Variants in RAPGEF6 observed in about 807,000 individuals in gnomAD.
RAPGEF6 encodes Rap guanine nucleotide exchange factor 6.
Under a neutral mutation model 171.4 loss-of-function variants are expected in RAPGEF6, and 56 were observed. That is an observed-to-expected ratio of 0.33 (90% CI 0.26 to 0.41). The LOEUF (loss-of-function observed/expected upper bound fraction) is 0.41, where lower values mean the gene tolerates loss of function less well. RAPGEF6 is among the 10% of genes least tolerant of loss of function. The pLI, the probability that RAPGEF6 is intolerant of heterozygous loss-of-function variation, is 1.00. For missense variants in RAPGEF6, 1,674 were observed against 1,921.4 expected (o/e 0.87, Z 2.41); for synonymous variants, 692 against 650.1 (o/e 1.06, Z -0.98).
At chr5:131,522,900 A>G (rs536322666) in intron 6 of RAPGEF6, among the ~76,000 whole-genome samples, 3 of 152,316 alleles carry the variant, frequency 2.0e-5, no homozygotes, top group South Asian at 4.1e-4. Flanking sequence ...TAATTTTAGA[A>G]TGACCTCAAT....
At position 131,500,061 on chromosome 5, in the gene RAPGEF6, G is replaced by A. The variant is rs183257029; in HGVS notation, c.1255-1454C>T. 3.3e-5 allele frequency among the ~76,000 whole-genome samples: 5 copies of A among 152,184 alleles called. No homozygotes were observed. In the East Asian group the frequency reaches 9.7e-4, roughly 29 times the overall value. On this transcript the variant is annotated intron_variant, in intron 11 of 27. Coordinates refer to ENST00000509018, the MANE Select transcript of RAPGEF6 (RefSeq NM_016340.6). ...TTACAGGCATGCACCACTATGCCCA[G>A]CTAATTTTTGTATTTTTAGTAGAGA...
intron 6 of RAPGEF6, among the ~76,000 whole-genome samples, chr5:131,544,598 G>A (rs1760383964): frequency 1.3e-5 from 2 of 152,160 alleles, no homozygotes; most frequent in African/African-American, 4.8e-5. Context: ...TTAGGGTGAT[G>A]GAAGTAATCA....
intron 21 of RAPGEF6, 97 bp downstream of exon 21, chr5:131,452,957 C>A (rs1236246095): frequency 4.2e-6 from 6 of 1,442,264 alleles, no homozygotes; most frequent in African/African-American, 1.4e-5. Context: ...GTACAGCACA[C>A]ATGGTAGAAT....
Position 131,517,218 on chromosome 5 carries a change from G to A in RAPGEF6, c.627+4172C>T, listed in dbSNP as rs149017830. 1.5e-4 allele frequency among the ~76,000 whole-genome samples: 23 copies of A among 152,006 alleles called. No homozygotes were observed. The East Asian group carries it at 3.7e-3, about 24-fold the overall frequency. On this transcript the variant is annotated intron_variant, in intron 7 of 27. Transcript: ENST00000509018. ...TCGAACCCCAAACACTCAGCACCAC[G>A]CAATATACTATGTAAGAAATCTGCA...
intron 27 of RAPGEF6, 132 bp from the exon 28 acceptor site, chr5:131,427,423 A>G: frequency 1.4e-6 from 1 of 697,314 alleles, no homozygotes; most frequent in South Asian, 1.9e-5. Flanking sequence ...CCCAGATTTT[A>G]TTATAATAAT....
intron 6 of RAPGEF6, among the ~76,000 whole-genome samples, chr5:131,525,674 C>T (rs941811190): frequency 6.6e-6 from 1 of 151,100 alleles, no homozygotes; most frequent in Non-Finnish European, 1.5e-5. Flanking sequence ...AAAAAAAAAA[C>T]CTCATCTGGG....
intron 1 of RAPGEF6, among the ~76,000 whole-genome samples, chr5:131,615,875 C>T (rs7708095): frequency 1.1e-4 from 17 of 151,414 alleles, no homozygotes; most frequent in African/African-American, 2.2e-4. Context: ...TACTCCAGCC[C>T]GGGCAACAGA....
intron 17 of RAPGEF6, among the ~76,000 whole-genome samples, chr5:131,465,709 G>A (rs1266563749): frequency 1.3e-5 from 2 of 152,034 alleles, no homozygotes; most frequent in Non-Finnish European, 2.9e-5. Context: ...CTTGAGCCTG[G>A]GAGGTTGAAG....
At chr5:131,508,803 C>A (rs775620931) in intron 8 of RAPGEF6, among the ~76,000 whole-genome samples, 1 of 152,034 alleles carries the variant, frequency 6.6e-6, no homozygotes, top group Non-Finnish European at 1.5e-5. Context: ...TTAAGAATAA[C>A]TATAAGGTGC....
At position 131,431,492 on chromosome 5, in the gene RAPGEF6, T is replaced by TA. The variant is rs1385114685; in HGVS notation, c.3975-144dup. 3 of 856,058 alleles carry TA rather than the reference T, an allele frequency of 3.5e-6. No individual in the cohort carries two copies. In the African/African-American group the frequency reaches 5.1e-5, roughly 15 times the overall value. The allele number at this position is 856,058 out of a possible 1,614,324, so 53.0% of individuals were successfully genotyped here. ...AATAACATCGTGAGGAAAACAATAT[T>TA]ATCATCATTCATCACTATATTCCTT... On this transcript the variant is annotated intron_variant, in intron 25 of 27. Coordinates refer to ENST00000509018, the MANE Select transcript of RAPGEF6 (RefSeq NM_016340.6).
chr5:131,580,075 G>A (rs185536325), intron 4 of RAPGEF6, among the ~76,000 whole-genome samples: 45 of 152,340 alleles, frequency 3.0e-4, no homozygotes, highest in Admixed American at 9.1e-4. Flanking sequence ...ACCAGGCGCC[G>A]CAGAGCAGGG....
intron 7 of RAPGEF6, among the ~76,000 whole-genome samples, chr5:131,516,846 T>C (rs1032446830): frequency 2.0e-5 from 3 of 152,242 alleles, no homozygotes; most frequent in Admixed American, 2.0e-4. Context: ...TTTGCCTTTT[T>C]TTCCCTCCAC....
intron 19 of RAPGEF6, among the ~76,000 whole-genome samples, chr5:131,459,850 T>A (rs1195201322): frequency 6.6e-6 from 1 of 152,180 alleles, no homozygotes; most frequent in Non-Finnish European, 1.5e-5. Context: ...GATTAGGGAC[T>A]GGGTGAGACA....
chr5:131,448,161 T>C (rs1580837553), intron 21 of RAPGEF6, among the ~76,000 whole-genome samples: 1 of 152,232 alleles, frequency 6.6e-6, no homozygotes, highest in East Asian at 1.9e-4. Flanking sequence ...ACACACTGGA[T>C]GGCACAGAGG....
At position 131,464,225 on chromosome 5, in the gene RAPGEF6, T is replaced by C. The variant is rs368633491; in HGVS notation, c.2296A>G (p.Ile766Val). The change falls in exon 18 of 28, where the codon ATC (isoleucine) becomes GTC (valine). Residue 766 changes from isoleucine to valine, a missense_variant. Physicochemically the swap from Ile to Val is conservative, Grantham distance 29 (BLOSUM62 3). Coordinates refer to ENST00000509018, the MANE Select transcript of RAPGEF6 (RefSeq NM_016340.6). ...TTAGCTGTGGTGTCTTTACTGATGA[T>C]AATGTAGCAACTTTGCTGATCCACT... ...FKVDQQSCYI[I>V]ISKDTTAKEV... is the part of the protein sequence containing the mutation. 22 of 1,613,828 alleles carry C rather than the reference T, an allele frequency of 1.4e-5. No individual in the cohort carries two copies. The highest frequency in any genetic ancestry group is 1.7e-5 in the Non-Finnish European group (20 of 1,179,786).
rs1751869098 is a variant in RAPGEF6, at chr5:131,433,947, G to C, written c.3746-289C>G. ...CTAGTTTAAAGGTATATCTTTCTCA[G>C]GCTCTCCCACAGCTATAATCATTTA... On this transcript the variant is annotated intron_variant, in intron 24 of 27. Transcript: ENST00000509018. Among the ~76,000 whole-genome samples, 3 of 152,094 alleles carry C rather than the reference G, an allele frequency of 2.0e-5. No individual in the cohort carries two copies. The South Asian group carries it at 6.2e-4, about 32-fold the overall frequency.
At chr5:131,564,018 G>C (rs746843327) in intron 4 of RAPGEF6, among the ~76,000 whole-genome samples, 3 of 152,128 alleles carry the variant, frequency 2.0e-5, no homozygotes, top group Non-Finnish European at 4.4e-5. Context: ...AAGAAGGCAG[G>C]GCAGGGCTGT....
In RAPGEF6 at chr5:131,508,077, C is replaced by T. The variant is rs752653288; in HGVS notation, c.936G>A (p.Gly312=). The T allele has an allele frequency of 6.9e-6, 11 of 1,599,740 alleles. No individual in the cohort carries two copies. The highest frequency in any genetic ancestry group is 9.4e-6 in the Non-Finnish European group (11 of 1,173,206). Residue 312 remains glycine, a synonymous_variant, in exon 9 of 28, where the codon GGG becomes GGA. Coordinates refer to ENST00000509018, the MANE Select transcript of RAPGEF6 (RefSeq NM_016340.6). ...AATTTATTTATTGACCTACCTCTTG[C>T]CCATCTTCAAGAATAATAGCTCCAG... The part of the protein sequence containing the change: ...EQAGAIILED[G]QELDSWYVIL...
At chr5:131,587,391 T>C (rs961227655) in intron 4 of RAPGEF6, among the ~76,000 whole-genome samples, 7 of 152,134 alleles carry the variant, frequency 4.6e-5, no homozygotes, top group African/African-American at 1.4e-4. Flanking sequence ...TTCAGGAAAC[T>C]GGTGTTGAGG....
Sources: allele counts gnomAD v4.1 joint callset (sites outside exome capture counted in the v4.1 genomes callset), GRCh38; gene constraint gnomAD v4.1.1; transcripts MANE v1.5; gene names NCBI Gene and HGNC (gene_info 2026-07-23, HGNC 2026-07-21).